TASP1: variants seen among roughly 807,000 people sequenced by gnomAD.
TASP1 encodes threonine aspartase 1.
A neutral mutation model predicts 56.6 loss-of-function variants in TASP1; 16 were observed. That is an observed-to-expected ratio of 0.28 (90% CI 0.19 to 0.43). TASP1 has a LOEUF of 0.43. Ranked by LOEUF, TASP1 falls within the 20% of genes least tolerant of loss-of-function variation. The pLI, the probability that TASP1 is intolerant of heterozygous loss-of-function variation, is 1.00. For missense variants in TASP1, 393 were observed against 511.6 expected, an observed-to-expected ratio of 0.77 and a Z score of 2.24; for synonymous variants, 179 against 184.2, an observed-to-expected ratio of 0.97 and a Z score of 0.23.
At chr20:13,208,088 C>T in the TASP1 span, among the ~76,000 whole-genome samples, 1 of 152,182 alleles carries the variant, frequency 6.6e-6, no homozygotes, top group Non-Finnish European at 1.5e-5. Flanking sequence ...CATGCAGTCT[C>T]TCACTACGAT....
At chr20:13,366,210 G>A in the TASP1 span, among the ~76,000 whole-genome samples, 1 of 152,154 alleles carries the variant, frequency 6.6e-6, no homozygotes, top group East Asian at 1.9e-4. Context: ...TGCAGTTCAG[G>A]CTGGACATTT....
chr20:13,471,986 G>A (rs1019645461), intron 11 of TASP1, among the ~76,000 whole-genome samples: 4 of 152,098 alleles, frequency 2.6e-5, no homozygotes, highest in African/African-American at 9.6e-5. Context: ...ATTTGGAAAA[G>A]ACTATTTTAA....
intron 11 of TASP1, among the ~76,000 whole-genome samples, chr20:13,478,943 T>C (rs1281696383): frequency 1.3e-5 from 2 of 152,118 alleles, no homozygotes; most frequent in African/African-American, 4.8e-5. Flanking sequence ...TATGGAACCA[T>C]GAAATATTTG....
intron 10 of TASP1, among the ~76,000 whole-genome samples, chr20:13,488,633 C>T (rs76144297): frequency 6.6e-6 from 1 of 152,108 alleles, no homozygotes; most frequent in African/African-American, 2.4e-5. Context: ...ATGATTCTCC[C>T]GATATCTTGG....
the TASP1 span, among the ~76,000 whole-genome samples, chr20:13,163,122 C>CT: frequency 6.6e-6 from 1 of 152,032 alleles, no homozygotes; most frequent in Non-Finnish European, 1.5e-5. Context: ...AATCCCAGCA[C>CT]TTTGGGAGGT....
intron 10 of TASP1, among the ~76,000 whole-genome samples, chr20:13,511,219 T>G (rs1332283428): frequency 6.6e-6 from 1 of 151,604 alleles, no homozygotes; most frequent in Non-Finnish European, 1.5e-5. Context: ...TTTTAATTCC[T>G]CTGGAGATCT....
the TASP1 span, among the ~76,000 whole-genome samples, chr20:13,221,349 C>G: frequency 6.7e-6 from 1 of 148,170 alleles, no homozygotes; most frequent in South Asian, 2.1e-4. Flanking sequence ...CTGGGGCGCC[C>G]ATGTGCGCTC....
At chr20:13,347,841 CAA>C in the TASP1 span, among the ~76,000 whole-genome samples, 897 of 101,700 alleles carry the variant, frequency 8.8e-3, 6 homozygotes, top group African/African-American at 0.03. Flanking sequence ...GACTTTGTCT[CAA>C]AAAAAAAAAA....
chr20:13,327,644 A>C, the TASP1 span, among the ~76,000 whole-genome samples: 1 of 152,176 alleles, frequency 6.6e-6, no homozygotes, highest in Admixed American at 6.5e-5. Context: ...GAACTCAGAA[A>C]TAAGACCGCA....
At chr20:13,246,799 A>G in the TASP1 span, among the ~76,000 whole-genome samples, 1 of 152,220 alleles carries the variant, frequency 6.6e-6, no homozygotes, top group African/African-American at 2.4e-5. Context: ...TTTTCAATGT[A>G]AAACCACCTG....
intron 4 of TASP1, chr20:13,614,661 C>T (rs1600170069): frequency 2.9e-6 from 1 of 347,046 alleles, no homozygotes; most frequent in African/African-American, 2.2e-5. Flanking sequence ...AGAAAAATGA[C>T]ATCACAACAG....
the TASP1 span, chr20:13,279,921 T>C: frequency 1.9e-4 from 301 of 1,605,032 alleles, 4 homozygotes; most frequent in South Asian, 3.0e-3. Context: ...CCTAGTAATA[T>C]AAAATTGGTG....
At chr20:13,570,588 A>T (rs959574451) in intron 6 of TASP1, among the ~76,000 whole-genome samples, 2 of 152,164 alleles carry the variant, frequency 1.3e-5, no homozygotes, top group African/African-American at 4.8e-5. Flanking sequence ...CCAAATGGTT[A>T]ATCTCAATAA....
At chr20:13,617,601 C>T (rs2048567205) in intron 4 of TASP1, among the ~76,000 whole-genome samples, 1 of 152,032 alleles carries the variant, frequency 6.6e-6, no homozygotes, top group African/African-American at 2.4e-5. Context: ...GACCACTCTG[C>T]TTATGAAAAT....
chr20:13,106,097 A>G, the TASP1 span, among the ~76,000 whole-genome samples: 7 of 152,206 alleles, frequency 4.6e-5, no homozygotes, highest in African/African-American at 1.7e-4. Context: ...AAAAATATCT[A>G]TCTGCTCGTT....
chr20:13,616,986 G>A (rs775460670), intron 4 of TASP1: 26 of 448,006 alleles, frequency 5.8e-5, no homozygotes, highest in African/African-American at 8.1e-5. Context: ...TCCCATCTGC[G>A]TACAGCTCTT....
the TASP1 span, among the ~76,000 whole-genome samples, chr20:13,188,278 A>G: frequency 6.6e-6 from 1 of 152,202 alleles, no homozygotes; most frequent in Non-Finnish European, 1.5e-5. Flanking sequence ...TGATGGCATG[A>G]TCTTATATTT....
chr20:13,171,801 A>G, the TASP1 span, among the ~76,000 whole-genome samples: 3 of 152,276 alleles, frequency 2.0e-5, no homozygotes, highest in African/African-American at 7.2e-5. Flanking sequence ...GGAGAAAAAA[A>G]TGAGAAATAT....
At chr20:13,255,035 T>C in the TASP1 span, among the ~76,000 whole-genome samples, 1 of 152,224 alleles carries the variant, frequency 6.6e-6, no homozygotes, top group Admixed American at 6.5e-5. Context: ...GACATCCTGG[T>C]AGGGGCCACA....
Sources: gnomAD v4.1 joint callset for allele counts (sites outside exome capture counted in the v4.1 genomes callset) on GRCh38, gnomAD v4.1.1 for gene constraint, MANE v1.5 for transcripts, NCBI Gene and HGNC (gene_info 2026-07-23, HGNC 2026-07-21) for gene names.